SETD2: variants seen among roughly 807,000 people sequenced by gnomAD.
SETD2 encodes the protein SET domain containing 2, histone lysine methyltransferase.
SETD2 carries 31 observed loss-of-function variants against 242.1 expected under a neutral mutation model. The ratio of observed to expected loss-of-function variants is 0.13; its 90% CI spans 0.10 to 0.17. The LOEUF is 0.17. Ranked by LOEUF, SETD2 falls within the 10% of genes least tolerant of loss-of-function variation. SETD2 has a pLI of 1.00. For missense variants in SETD2, 2,481 were observed against 3,046.3 expected (o/e 0.81, Z 4.37); for synonymous variants, 1,006 against 1,066.5 (o/e 0.94, Z 1.11).
At chr3:47,143,836 G>A (rs1165864988) in intron 1 of SETD2, among the ~76,000 whole-genome samples, 2 of 151,786 alleles carry the variant, frequency 1.3e-5, no homozygotes, top group South Asian at 2.1e-4. Context: ...TCAGCCTCCC[G>A]AGTAGCTGGG....
Position 47,057,354 on chromosome 3 carries a change from G to C in SETD2, c.6430C>G (p.Leu2144Val), listed in dbSNP as rs2107577305. The part of the protein sequence containing the change: ...AQKQQQQMQN[L>V]GMTSPLPYDS... ...TAGGGCAGTGGTGATGTCATTCCCA[G>C]GTTCTGCATCTGTTGCTGTTGTTTC... Residue 2144 changes from leucine (L) to valine (V), a missense_variant, in exon 15 of 21, where the codon CTG becomes GTG. Leu to Val is a conservative substitution (Grantham distance 32). Coordinates refer to ENST00000409792, the MANE Select transcript of SETD2 (RefSeq NM_014159.7). 1 of 1,614,188 alleles carries C rather than the reference G, an allele frequency of 6.2e-7. No individual in the cohort carries two copies. Among genetic ancestry groups the C allele is most frequent in the Non-Finnish European group, 8.5e-7 (1 of 1,180,038 alleles).
intron 18 of SETD2, among the ~76,000 whole-genome samples, chr3:47,027,133 A>G (rs2038517570): frequency 6.6e-6 from 1 of 152,002 alleles, no homozygotes; most frequent in Non-Finnish European, 1.5e-5. Context: ...CAGGAGATCG[A>G]GATCATTCTG....
rs986324149 is a variant in SETD2, at chr3:47,123,829, T to C, written c.807A>G (p.Gln269=). The change falls in exon 3 of 21, where the codon CAA becomes CAG. Residue 269 remains glutamine (Q), a synonymous_variant. Coordinates refer to ENST00000409792, the MANE Select transcript of SETD2 (RefSeq NM_014159.7). The part of the protein sequence containing the change: ...ISNSLEEHVT[Q]ILNEQADISS... ...AAATATCTGCTTGCTCATTCAATAT[T>C]TGAGTTACGTGTTCTTCTAAACTAT... 7.7e-6 allele frequency: 12 copies of C among 1,548,452 alleles called. No individual in the cohort carries two copies. Among genetic ancestry groups the C allele is most frequent in the Middle Eastern group, 1.7e-4 (1 of 5,996 alleles).
At position 47,113,859 on chromosome 3, in the gene SETD2, A is replaced by G. The variant is rs754042842; in HGVS notation, c.4715+17T>C. On this transcript the variant is annotated intron_variant, in intron 5 of 20. Transcript: ENST00000409792. ...GTCTCAAAAAAGGAAGTGAAAGGTAATTAAAAAAGAACTTACGAAGGAAGG... is the reference window on the plus strand; with the variant it reads ...GTCTCAAAAAAGGAAGTGAAAGGTAGTTAAAAAAGAACTTACGAAGGAAGG... 3 of 1,604,782 alleles carry G rather than the reference A, an allele frequency of 1.9e-6. No homozygotes were observed. The highest frequency in any genetic ancestry group is 2.5e-6 in the Non-Finnish European group (3 of 1,177,272).
intron 18 of SETD2, among the ~76,000 whole-genome samples, chr3:47,028,426 T>C (rs756945041): frequency 6.6e-6 from 1 of 152,180 alleles, no homozygotes; most frequent in Non-Finnish European, 1.5e-5. Context: ...TGAAGAGATA[T>C]CCATTAGATA....
intron 1 of SETD2, among the ~76,000 whole-genome samples, chr3:47,139,548 T>C (rs2043678217): frequency 6.6e-6 from 1 of 152,208 alleles, no homozygotes; most frequent in Non-Finnish European, 1.5e-5. Flanking sequence ...CTCGTTACTT[T>C]TTGAATCAAA....
At chr3:47,091,532 G>A (rs2041804420) in intron 9 of SETD2, among the ~76,000 whole-genome samples, 1 of 152,178 alleles carries the variant, frequency 6.6e-6, no homozygotes, top group African/African-American at 2.4e-5. Context: ...GGAGGCCAAG[G>A]TGGGTGGATC....
At chr3:47,026,193 CAT>C (rs1360561347) in intron 18 of SETD2, among the ~76,000 whole-genome samples, 9 of 152,232 alleles carry the variant, frequency 5.9e-5, no homozygotes, top group African/African-American at 1.9e-4. Context: ...AGCCAACAAA[CAT>C]ATGAAAAAAT....
intron 5 of SETD2, 110 bp downstream of exon 5, chr3:47,113,766 G>C (rs2042747369): frequency 2.0e-6 from 2 of 985,500 alleles, no homozygotes; most frequent in Non-Finnish European, 2.9e-6. Flanking sequence ...TTGAATCCGG[G>C]AGGTAGAGGT....
In SETD2 at chr3:47,120,826, C is replaced by T. The variant is rs746577377; in HGVS notation, c.3810G>A (p.Thr1270=). Residue 1270 remains threonine (T), a synonymous_variant, in exon 3 of 21, where the codon ACG becomes ACA. Transcript: ENST00000409792. ...WDFSQEKPST[T]YQQPDSSYGA... is the part of the protein sequence containing the mutation. ...CATAGCTACTGTCAGGTTGCTGATA[C>T]GTGGTAGAAGGCTTTTCTTGAGAGA... 2.2e-5 allele frequency: 36 copies of T among 1,614,068 alleles called. No individual in the cohort carries two copies. The highest frequency in any genetic ancestry group is 1.3e-4 in the East Asian group (6 of 44,900).
chr3:47,070,354 C>T (rs367644331), intron 12 of SETD2, among the ~76,000 whole-genome samples: 50 of 152,260 alleles, frequency 3.3e-4, no homozygotes, highest in African/African-American at 1.1e-3. Context: ...TGTACCTAAG[C>T]ACTTGGAGCT....
At chr3:47,029,985 A>C (rs569757093) in intron 18 of SETD2, among the ~76,000 whole-genome samples, 2 of 152,096 alleles carry the variant, frequency 1.3e-5, no homozygotes, top group Non-Finnish European at 2.9e-5. Context: ...GCAAAACCCC[A>C]TAAAAATACA....
At chr3:47,086,393 C>A in intron 10 of SETD2, 79 bp from the exon 11 acceptor site, 1 of 1,426,194 alleles carries the variant, frequency 7.0e-7, no homozygotes, top group South Asian at 1.2e-5. Flanking sequence ...GAGGAGAGTT[C>A]ATGTATACGT....
intron 5 of SETD2, among the ~76,000 whole-genome samples, chr3:47,113,601 A>G (rs1283460741): frequency 1.3e-5 from 2 of 152,116 alleles, no homozygotes; most frequent in African/African-American, 4.8e-5. Context: ...TTGGGATGCC[A>G]AGGTGGGCGG....
Position 47,123,414 on chromosome 3 carries a change from T to G in SETD2, c.1222A>C (p.Arg408=). The part of the protein sequence containing the change: ...RERRRSRSHS[R]SERGSRTNLS... ...TTAGTTCTAGAGCCTCTCTCAGACC[T>G]AGAGTGAGATCTGCTCCGCCGTCGC... Residue 408 remains arginine, a synonymous_variant, in exon 3 of 21, where the codon AGG becomes CGG. Transcript: ENST00000409792. 3.2e-6 allele frequency: 5 copies of G among 1,551,704 alleles called. No homozygotes were observed. Among genetic ancestry groups the G allele is most frequent in the Non-Finnish European group, 4.4e-6 (5 of 1,146,998 alleles).
intron 1 of SETD2, chr3:47,163,394 A>G (rs1359928180): frequency 6.6e-6 from 1 of 151,582 alleles, no homozygotes; most frequent in Non-Finnish European, 1.5e-5. Context: ...CGACGGGTCG[A>G]GCTTCCACCC....
intron 12 of SETD2, among the ~76,000 whole-genome samples, chr3:47,073,308 G>A (rs1457532753): frequency 1.3e-5 from 2 of 152,082 alleles, no homozygotes; most frequent in Non-Finnish European, 2.9e-5. Flanking sequence ...TAGGAAAGAA[G>A]AAAATATTTT....
At chr3:47,136,893 G>A (rs1271877169) in intron 1 of SETD2, among the ~76,000 whole-genome samples, 2 of 152,122 alleles carry the variant, frequency 1.3e-5, no homozygotes, top group African/African-American at 4.8e-5. Flanking sequence ...GGCAGAGGTT[G>A]CAGTGTGCCG....
intron 7 of SETD2, 36 bp downstream of exon 7, chr3:47,103,307 TGAA>T: frequency 7.1e-7 from 1 of 1,415,670 alleles, no homozygotes; most frequent in Non-Finnish European, 1.0e-6. Flanking sequence ...ACAGCAATCG[TGAA>T]CAAATACCTC....
Sources: allele counts gnomAD v4.1 joint callset (sites outside exome capture counted in the v4.1 genomes callset), GRCh38; gene constraint gnomAD v4.1.1; transcripts MANE v1.5; gene names NCBI Gene and HGNC (gene_info 2026-07-23, HGNC 2026-07-21).